Variants in NCAM2 observed in about 807,000 individuals in gnomAD.
The protein encoded by NCAM2 is N-CAM-2.
A neutral mutation model predicts 98.1 loss-of-function variants in NCAM2; 30 were observed. The ratio of observed to expected loss-of-function variants is 0.31; its 90% CI spans 0.23 to 0.41. NCAM2 has a LOEUF of 0.41. Among genes scored for constraint, NCAM2 ranks in the 10% least tolerant of loss-of-function variants. The pLI, the probability that NCAM2 is intolerant of heterozygous loss-of-function variation, is 1.00. For synonymous variants in NCAM2, 368 were observed against 342.4 expected (o/e 1.07, Z -0.83); for missense variants, 867 against 1,005.8 (o/e 0.86, Z 1.87).
intron 1 of NCAM2, among the ~76,000 whole-genome samples, chr21:21,109,854 C>A (rs78215004): frequency 1.3e-5 from 2 of 152,242 alleles, no homozygotes; most frequent in Non-Finnish European, 2.9e-5. Context: ...AGATAAGAAC[C>A]TTTAACAGAA....
intron 5 of NCAM2, among the ~76,000 whole-genome samples, chr21:21,302,240 A>T (rs1333443866): frequency 6.6e-6 from 1 of 152,022 alleles, no homozygotes; most frequent in African/African-American, 2.4e-5. Context: ...AGACTGGATT[A>T]AGTTTGGGGT....
At chr21:21,284,560 C>G (rs2073037501) in intron 3 of NCAM2, among the ~76,000 whole-genome samples, 160 bp downstream of exon 3, 1 of 151,570 alleles carries the variant, frequency 6.6e-6, no homozygotes, top group South Asian at 2.1e-4. Flanking sequence ...AATAGAATAG[C>G]TAACAGATAA....
intron 16 of NCAM2, among the ~76,000 whole-genome samples, chr21:21,515,488 T>C (rs1426278999): frequency 6.6e-6 from 1 of 152,214 alleles, no homozygotes; most frequent in Non-Finnish European, 1.5e-5. Context: ...CAAGATAGTC[T>C]CTAAATTTTA....
At chr21:21,466,385 G>A (rs946528631) in intron 12 of NCAM2, among the ~76,000 whole-genome samples, 2 of 151,868 alleles carry the variant, frequency 1.3e-5, no homozygotes, top group Admixed American at 6.6e-5. Flanking sequence ...TTGAAAGTAC[G>A]TGGCTTGGAA....
chr21:21,025,755 A>T (rs1454828756), intron 1 of NCAM2, among the ~76,000 whole-genome samples: 1 of 152,198 alleles, frequency 6.6e-6, no homozygotes, highest in Non-Finnish European at 1.5e-5. Flanking sequence ...TATTGCTGAG[A>T]TGGAGCTAAT....
At chr21:21,307,941 A>G (rs1177228943) in intron 5 of NCAM2, among the ~76,000 whole-genome samples, 1 of 152,094 alleles carries the variant, frequency 6.6e-6, no homozygotes, top group Non-Finnish European at 1.5e-5. Flanking sequence ...TGTAACTTTA[A>G]AAAACACCTG....
At chr21:21,213,983 T>C (rs2069763840) in intron 1 of NCAM2, among the ~76,000 whole-genome samples, 1 of 152,182 alleles carries the variant, frequency 6.6e-6, no homozygotes, top group South Asian at 2.1e-4. Flanking sequence ...CATTTTTTCC[T>C]TGAAACCTTT....
At chr21:21,505,075 C>G (rs933872657) in intron 15 of NCAM2, among the ~76,000 whole-genome samples, 1 of 151,900 alleles carries the variant, frequency 6.6e-6, no homozygotes, top group Non-Finnish European at 1.5e-5. Flanking sequence ...TCTGCAATGA[C>G]AAAAAGATAC....
chr21:21,428,392 A>T (rs183444393), intron 11 of NCAM2, among the ~76,000 whole-genome samples: 1 of 152,226 alleles, frequency 6.6e-6, no homozygotes, highest in Middle Eastern at 3.2e-3. Context: ...ATAATCCAGG[A>T]TCCTGAACAT....
At chr21:21,100,905 C>G (rs1017709727) in intron 1 of NCAM2, among the ~76,000 whole-genome samples, 16 of 152,000 alleles carry the variant, frequency 1.1e-4, no homozygotes, top group African/African-American at 3.6e-4. Flanking sequence ...ATGCACTTTC[C>G]TAGTATCCAG....
chr21:21,228,413 G>T (rs1340110064), intron 1 of NCAM2, among the ~76,000 whole-genome samples: 1 of 151,386 alleles, frequency 6.6e-6, no homozygotes, highest in Non-Finnish European at 1.5e-5. Flanking sequence ...GTTTGTTATT[G>T]CAGTGACTGT....
intron 1 of NCAM2, among the ~76,000 whole-genome samples, chr21:21,265,932 T>G (rs932344298): frequency 1.3e-5 from 2 of 152,106 alleles, no homozygotes; most frequent in African/African-American, 4.8e-5. Context: ...AAGATTGTTT[T>G]ATTATTCATA....
At chr21:21,191,868 T>G in intron 1 of NCAM2, among the ~76,000 whole-genome samples, 1 of 152,248 alleles carries the variant, frequency 6.6e-6, no homozygotes, top group East Asian at 1.9e-4. Flanking sequence ...TTTGACTTGT[T>G]GACATAGAGA....
chr21:21,180,251 A>G (rs549054065), intron 1 of NCAM2, among the ~76,000 whole-genome samples: 56 of 152,350 alleles, frequency 3.7e-4, no homozygotes, highest in African/African-American at 1.3e-3. Context: ...AAAAAAATTA[A>G]TTTTATGGAT....
chr21:21,085,620 C>T (rs901366658), intron 1 of NCAM2, among the ~76,000 whole-genome samples: 1 of 152,098 alleles, frequency 6.6e-6, no homozygotes, highest in African/African-American at 2.4e-5. Flanking sequence ...CCCTAGGATG[C>T]AGAACACTAT....
intron 1 of NCAM2, among the ~76,000 whole-genome samples, chr21:21,253,290 G>A (rs2071539845): frequency 6.6e-6 from 1 of 152,112 alleles, no homozygotes; most frequent in Admixed American, 6.6e-5. Context: ...TAATAGTATT[G>A]AGAACAATTC....
chr21:21,352,254 CTTTAT>C (rs1278533203), intron 8 of NCAM2, among the ~76,000 whole-genome samples: 1 of 151,872 alleles, frequency 6.6e-6, no homozygotes, highest in Non-Finnish European at 1.5e-5. Context: ...TTCTATTTTA[CTTTAT>C]TTTATTTGGC....
At chr21:21,267,539 A>T (rs2072329972) in intron 1 of NCAM2, among the ~76,000 whole-genome samples, 1 of 152,160 alleles carries the variant, frequency 6.6e-6, no homozygotes, top group African/African-American at 2.4e-5. Flanking sequence ...AATTCCATTT[A>T]AATTTGGATT....
intron 1 of NCAM2, among the ~76,000 whole-genome samples, chr21:21,151,576 G>A (rs1197814263): frequency 6.6e-6 from 1 of 151,886 alleles, no homozygotes; most frequent in East Asian, 1.9e-4. Flanking sequence ...TTTCCTTTCA[G>A]TTCTTCAGGT....
Sources: gnomAD v4.1 joint callset for allele counts (sites outside exome capture counted in the v4.1 genomes callset) on GRCh38, gnomAD v4.1.1 for gene constraint, MANE v1.5 for transcripts, NCBI Gene and HGNC (gene_info 2026-07-23, HGNC 2026-07-21) for gene names.